The following IDO2 variants were observed in gnomAD, a reference collection of about 807,000 sequenced individuals.
IDO2 encodes indoleamine 2,3-dioxygenase 2.
IDO2 carries 46 observed loss-of-function variants against 45.1 expected under a neutral mutation model. That is an observed-to-expected ratio of 1.02 (90% confidence interval 0.80 to 1.30). The LOEUF (loss-of-function observed/expected upper bound fraction) is 1.30, where lower values mean the gene tolerates loss of function less well. Ranked by LOEUF, IDO2 falls within the 50% of genes most tolerant of loss-of-function variation. IDO2 has a pLI of 0.00. For synonymous variants in IDO2, 218 were observed against 184.9 expected (o/e 1.18, Z -1.45); for missense variants, 544 against 491.8 (o/e 1.11, Z -1.00).
At position 39,979,047 on chromosome 8, in the gene IDO2, A is replaced by G. The variant is rs751740205; in HGVS notation, c.196-20A>G. Reference sequence around the variant, plus strand: ...CGGTTCCCATCCCTCCTCTGACGGCATTTGGACTTTCATGAACAGATGCCC... The same window carrying G: ...CGGTTCCCATCCCTCCTCTGACGGCGTTTGGACTTTCATGAACAGATGCCC... On this transcript the variant is annotated intron_variant, in intron 3 of 10. Transcript: ENST00000502986. The G allele has an allele frequency of 6.4e-7, 1 of 1,563,298 alleles. No individual in the cohort carries two copies. The highest frequency in any genetic ancestry group is 8.7e-7 in the Non-Finnish European group (1 of 1,153,814).
At chr8:39,993,225 T>C (rs1801968540) in intron 8 of IDO2, among the ~76,000 whole-genome samples, 1 of 151,896 alleles carries the variant, frequency 6.6e-6, no homozygotes, top group Non-Finnish European at 1.5e-5. Context: ...TTAAGACATG[T>C]GTTTTTTTTT....
intron 3 of IDO2, among the ~76,000 whole-genome samples, chr8:39,976,701 G>A (rs1808264217): frequency 6.6e-6 from 1 of 152,276 alleles, no homozygotes; most frequent in South Asian, 2.1e-4. Flanking sequence ...TGCTTTTAGA[G>A]GGAAAATCAC....
chr8:39,978,382 G>A (rs1808293418), intron 3 of IDO2, among the ~76,000 whole-genome samples: 1 of 152,220 alleles, frequency 6.6e-6, no homozygotes, highest in African/African-American at 2.4e-5. Context: ...CCTGGTAGCC[G>A]AATTCAGAGG....
chr8:39,995,950 G>C (rs956544817), intron 8 of IDO2, among the ~76,000 whole-genome samples: 1 of 151,832 alleles, frequency 6.6e-6, no homozygotes, highest in Non-Finnish European at 1.5e-5. Flanking sequence ...GCCTAGAAAA[G>C]GCACTCTTTT....
At chr8:39,971,246 A>G (rs1563431077) in intron 3 of IDO2, among the ~76,000 whole-genome samples, 2 of 152,308 alleles carry the variant, frequency 1.3e-5, no homozygotes, top group East Asian at 3.9e-4. Context: ...TAAACGGACA[A>G]TAAGGCCTGG....
intron 8 of IDO2, chr8:39,995,168 C>CTCA (rs1802014680): frequency 6.7e-6 from 1 of 148,250 alleles, no homozygotes; most frequent in Admixed American, 6.8e-5. Flanking sequence ...CCTCCTCCTC[C>CTCA]TCCTCTTCTT....
intron 9 of IDO2, among the ~76,000 whole-genome samples, chr8:40,011,283 C>T (rs186097873): frequency 5.5e-4 from 83 of 152,290 alleles, no homozygotes; most frequent in Admixed American, 1.8e-3. Flanking sequence ...GAGCAGTCCA[C>T]GGACTGACCC....
At chr8:40,004,537 A>AGATAGAT (rs1489901084) in intron 8 of IDO2, among the ~76,000 whole-genome samples, 8 of 151,220 alleles carry the variant, frequency 5.3e-5, no homozygotes, top group Admixed American at 1.3e-4. Context: ...ATAGATAGAT[A>AGATAGAT]GATAGATAGA....
rs541022386 is a variant in IDO2, at chr8:39,942,760, A to C, written c.-17-6389A>C. 2.0e-5 allele frequency among the ~76,000 whole-genome samples: 3 copies of C among 152,310 alleles called. No individual in the cohort carries two copies. The South Asian group carries it at 6.2e-4, about 32-fold the overall frequency. ...CTTGATAAGTTGTTTCATTCCCATAAATCTTGGGTGATTCGTGTTTAATGA... is the reference window on the plus strand; with the variant it reads ...CTTGATAAGTTGTTTCATTCCCATACATCTTGGGTGATTCGTGTTTAATGA... On this transcript the variant is annotated intron_variant, in intron 1 of 10. Transcript: ENST00000502986.
exon 11 of IDO2, chr8:40,015,832 A>G (rs1287248109): frequency 6.1e-6 from 3 of 489,516 alleles, no homozygotes; most frequent in Non-Finnish European, 1.1e-5. Context: ...CGGCATGTAT[A>G]ATGGATACTT....
chr8:39,953,311 T>C (rs924160610), intron 2 of IDO2, among the ~76,000 whole-genome samples: 2 of 152,174 alleles, frequency 1.3e-5, no homozygotes, highest in Admixed American at 6.5e-5. Flanking sequence ...TGTTTCCGGC[T>C]ATATAGCAAA....
chr8:39,935,848 C>T lies in IDO2; in HGVS notation c.-18+630C>T, dbSNP rs148242566. On this transcript the variant is annotated intron_variant, in intron 1 of 10. Transcript: ENST00000502986. ...ATGAAATAGCAATTGTTTTGGAAGA[C>T]AGCAAAACCTGAAGTATTTTCAGAC... is the stretch of plus-strand genomic sequence containing the variant. Among the ~76,000 whole-genome samples, 13 of 152,260 alleles carry T rather than the reference C, an allele frequency of 8.5e-5. No homozygotes were observed. In the South Asian group the frequency reaches 1.4e-3, roughly 17 times the overall value.
intron 8 of IDO2, among the ~76,000 whole-genome samples, chr8:40,004,416 A>G (rs1802183965): frequency 6.6e-6 from 1 of 152,172 alleles, no homozygotes; most frequent in African/African-American, 2.4e-5. Context: ...AGATAGGTAG[A>G]TAGATGATAG....
At position 39,987,616 on chromosome 8, in the gene IDO2, G is replaced by C. The variant is rs1585412366; in HGVS notation, c.450-255G>C. 2.4e-5 allele frequency: 10 copies of C among 422,720 alleles called. No individual in the cohort carries two copies. The East Asian group carries it at 3.4e-4, about 14-fold the overall frequency. The allele number at this position is 422,720 out of a possible 1,614,324, so 26.2% of individuals were successfully genotyped here. ...AGCCAGTTATTCCACTGCGGAGATG[G>C]TCCAGGACCATTAGGGCCATGCTAG... is the stretch of plus-strand genomic sequence containing the variant. On this transcript the variant is annotated intron_variant, in intron 6 of 10. Transcript: ENST00000502986.
chr8:39,966,026 CTTTT>C (rs59731560), intron 3 of IDO2, among the ~76,000 whole-genome samples: 2 of 96,502 alleles, frequency 2.1e-5, no homozygotes, highest in African/African-American at 7.2e-5. Context: ...TCTATCGCTT[CTTTT>C]TTTTTTTTTT....
chr8:40,013,484 T>G, intron 9 of IDO2, 81 bp from the exon 10 acceptor site: 1 of 1,329,802 alleles, frequency 7.5e-7, no homozygotes, highest in Non-Finnish European at 1.0e-6. Context: ...CCCTTTCTCA[T>G]TCACTCTCAG....
intron 9 of IDO2, among the ~76,000 whole-genome samples, chr8:40,011,076 A>C (rs1194953846): frequency 6.6e-6 from 1 of 152,028 alleles, no homozygotes; most frequent in Non-Finnish European, 1.5e-5. Context: ...ATACCAGGCT[A>C]ATTTTTGTGT....
At chr8:39,934,990 A>G (rs1807523889) in exon 1 of IDO2, 2 of 663,228 alleles carry the variant, frequency 3.0e-6, no homozygotes, top group Non-Finnish European at 5.4e-6. Context: ...GTAAGAATAC[A>G]GAGAGTCCAC....
intron 2 of IDO2, among the ~76,000 whole-genome samples, chr8:39,953,897 C>T (rs1443408795): frequency 6.6e-6 from 1 of 152,198 alleles, no homozygotes; most frequent in Non-Finnish European, 1.5e-5. Flanking sequence ...TAAATCACAC[C>T]ATTTGTACAA....
Sources: allele counts gnomAD v4.1 joint callset (sites outside exome capture counted in the v4.1 genomes callset), GRCh38; gene constraint gnomAD v4.1.1; transcripts MANE v1.5; gene names NCBI Gene and HGNC (gene_info 2026-07-23, HGNC 2026-07-21).